FAF1: variants seen among roughly 807,000 people sequenced by gnomAD.
FAF1 encodes the protein Fas associated factor 1, also known as FAS-associated factor 1.
In FAF1, 25 loss-of-function variants were observed where a neutral mutation model predicts 92.5. The ratio of observed to expected loss-of-function variants is 0.27; its 90% CI spans 0.20 to 0.38. FAF1 has a LOEUF of 0.38. FAF1 is among the 10% of genes least tolerant of loss of function. The pLI, the probability that FAF1 is intolerant of heterozygous loss-of-function variation, is 1.00. For synonymous variants in FAF1, 234 were observed against 273.2 expected, an observed-to-expected ratio of 0.86 and a Z score of 1.42; for missense variants, 636 against 793.3, an observed-to-expected ratio of 0.80 and a Z score of 2.38.
intron 8 of FAF1, among the ~76,000 whole-genome samples, chr1:50,619,521 TG>T (rs1653091482): frequency 1.3e-5 from 2 of 152,228 alleles, no homozygotes; most frequent in South Asian, 4.1e-4. Context: ...ATGAAATTCT[TG>T]GTTGAAATTT....
intron 12 of FAF1, among the ~76,000 whole-genome samples, chr1:50,580,671 A>G (rs1400540023): frequency 1.3e-5 from 2 of 152,342 alleles, no homozygotes; most frequent in East Asian, 3.9e-4. Context: ...TTTTATACTA[A>G]AAATCCATAT....
At chr1:50,470,388 A>C (rs990353238) in intron 18 of FAF1, among the ~76,000 whole-genome samples, 1 of 152,214 alleles carries the variant, frequency 6.6e-6, no homozygotes, top group African/African-American at 2.4e-5. Context: ...TTAAGTGCTT[A>C]ATTTTACCTC....
chr1:50,803,290 T>A (rs1226686076), intron 2 of FAF1, among the ~76,000 whole-genome samples: 1 of 151,744 alleles, frequency 6.6e-6, no homozygotes, highest in Admixed American at 6.6e-5. Context: ...AAAGATTTGG[T>A]TCAAATCTTT....
chr1:50,561,554 G>A (rs560343753), intron 13 of FAF1, among the ~76,000 whole-genome samples: 3 of 152,228 alleles, frequency 2.0e-5, no homozygotes, highest in Admixed American at 6.5e-5. Flanking sequence ...GTGGCCGGGC[G>A]CAGGGGCTCA....
Position 50,788,392 on chromosome 1 carries a change from C to T in FAF1, c.162-187G>A, listed in dbSNP as rs529337322. On this transcript the variant is annotated intron_variant, in intron 3 of 18. Coordinates refer to ENST00000396153, the MANE Select transcript of FAF1 (RefSeq NM_007051.3). ...TTCCCATTGACTGAAGGCCACATTA[C>T]TCTCCTTCCCATCCTTGCCTTTCTA... Among the ~76,000 whole-genome samples the T allele has an allele frequency of 1.2e-3, 185 of 152,300 alleles. 2 individuals carry two copies. The highest frequency in any genetic ancestry group is 2.1e-4 in the Non-Finnish European group (14 of 68,010).
rs1303245719 is a variant in FAF1, at chr1:50,439,225, AT to A, written c.*2214del. On this transcript the variant is annotated 3_prime_UTR_variant, in exon 19 of 19. Transcript: ENST00000396153. ...AGAGGACACTGCTATTTCTGTGGTGATGGGAAGTCATTTTAATGCTCTGCTT... is the reference window on the plus strand; with the variant it reads ...AGAGGACACTGCTATTTCTGTGGTGAGGGAAGTCATTTTAATGCTCTGCTT... 2.0e-5 allele frequency: 3 copies of A among 152,382 alleles called. No homozygotes were observed. Among genetic ancestry groups the A allele is most frequent in the African/African-American group, 7.2e-5 (3 of 41,604 alleles). The allele number at this position is 152,382 out of a possible 1,614,324, so 9.4% of individuals were successfully genotyped here. A position where few individuals can be genotyped will look rare whatever the true frequency, so the allele number is the denominator to read the frequency against.
chr1:50,646,961 T>C lies in FAF1; in HGVS notation c.744+8481A>G, dbSNP rs532027960. On this transcript the variant is annotated intron_variant, in intron 8 of 18. Coordinates refer to ENST00000396153, the MANE Select transcript of FAF1 (RefSeq NM_007051.3). Reference sequence around the variant, plus strand: ...CCTAGGTTCAAGCAATTCTTGTGTCTCAGCCTCCTGAGTGTCTGGGATCAC... The same window carrying C: ...CCTAGGTTCAAGCAATTCTTGTGTCCCAGCCTCCTGAGTGTCTGGGATCAC... 2.3e-4 allele frequency among the ~76,000 whole-genome samples: 35 copies of C among 152,332 alleles called. 1 individual carries two copies. The highest frequency in any genetic ancestry group is 8.4e-4 in the African/African-American group (35 of 41,578).
At chr1:50,860,418 A>G (rs1021108567) in intron 1 of FAF1, among the ~76,000 whole-genome samples, 1 of 151,826 alleles carries the variant, frequency 6.6e-6, no homozygotes, top group Non-Finnish European at 1.5e-5. Context: ...AAGACAAGTA[A>G]CCCCATTAAA....
chr1:50,437,171 G>A lies in FAF1; in HGVS notation c.*4269C>T, dbSNP rs1034834445. ...ACAAGGACAAAATACTAAATGCAGA[G>A]ATATTCAAGGCAAGAAAGTCTAGTG... On this transcript the variant is annotated 3_prime_UTR_variant, in exon 19 of 19. Coordinates refer to ENST00000396153, the MANE Select transcript of FAF1 (RefSeq NM_007051.3). 1 of 152,216 alleles carries A rather than the reference G, an allele frequency of 6.6e-6. No homozygotes were observed. Among genetic ancestry groups the A allele is most frequent in the Non-Finnish European group, 1.5e-5 (1 of 68,040 alleles). 9.4% of individuals were successfully genotyped at this position (152,216 alleles called of 1,614,324 possible).
rs1652809544 is a variant in FAF1, at chr1:50,614,328, G to C, written c.745-18112C>G. 2.0e-5 allele frequency among the ~76,000 whole-genome samples: 3 copies of C among 152,076 alleles called. No homozygotes were observed. The South Asian group carries it at 6.2e-4, about 32-fold the overall frequency. On this transcript the variant is annotated intron_variant, in intron 8 of 18. Transcript: ENST00000396153. The stretch of plus-strand genomic sequence containing the variant: ...TTCAAACCAGGCAGAAACTATTGTT[G>C]TGTACTACTAAGTCCGATTATTCAA...
chr1:50,921,536 C>T (rs918898252), intron 1 of FAF1, among the ~76,000 whole-genome samples: 1 of 151,758 alleles, frequency 6.6e-6, no homozygotes, highest in Non-Finnish European at 1.5e-5. Context: ...TCAACAAGCG[C>T]AGATCATTTG....
intron 3 of FAF1, among the ~76,000 whole-genome samples, chr1:50,797,438 T>G (rs574053604): frequency 6.6e-6 from 1 of 152,284 alleles, no homozygotes; most frequent in South Asian, 2.1e-4. Context: ...TAGTGGCTCA[T>G]GCCTGTAATC....
chr1:50,509,841 C>T (rs532904714), intron 15 of FAF1, among the ~76,000 whole-genome samples: 14 of 151,488 alleles, frequency 9.2e-5, no homozygotes, highest in Admixed American at 3.3e-4. Context: ...GTTCCTTGAC[C>T]GCTTCCAACA....
chr1:50,637,855 C>CAA lies in FAF1; in HGVS notation c.744+17586_744+17587insTT, dbSNP rs568563295. Among the ~76,000 whole-genome samples, 192 of 151,596 alleles carry CAA rather than the reference C, an allele frequency of 1.3e-3. 8 individuals carry two copies. In the East Asian group the frequency reaches 0.03, roughly 23 times the overall value. On this transcript the variant is annotated intron_variant, in intron 8 of 18. Coordinates refer to ENST00000396153, the MANE Select transcript of FAF1 (RefSeq NM_007051.3). ...CCCAAGATTTTCTCCTATATTTTCCCCAAGTTTAATAGTTGTAGCTTTTGC... is the reference window on the plus strand; with the variant it reads ...CCCAAGATTTTCTCCTATATTTTCCCAACAAGTTTAATAGTTGTAGCTTTTGC...
At chr1:50,464,979 T>C (rs1646476597) in intron 18 of FAF1, among the ~76,000 whole-genome samples, 1 of 152,200 alleles carries the variant, frequency 6.6e-6, no homozygotes, top group African/African-American at 2.4e-5. Context: ...ATCTCTCCAA[T>C]CTTCCCCTGC....
chr1:50,448,739 G>C (rs930047387), intron 18 of FAF1, among the ~76,000 whole-genome samples: 1 of 152,110 alleles, frequency 6.6e-6, no homozygotes, highest in Admixed American at 6.5e-5. Flanking sequence ...CAACTTTTCC[G>C]GTAACAAAGG....
intron 1 of FAF1, among the ~76,000 whole-genome samples, chr1:50,868,626 T>C (rs1644502242): frequency 6.6e-6 from 1 of 152,224 alleles, no homozygotes; most frequent in Admixed American, 6.5e-5. Context: ...GTTCAAAGTT[T>C]TTTCTAAAGT....
intron 3 of FAF1, 74 bp downstream of exon 3, chr1:50,801,557 A>G (rs1172093669): frequency 1.2e-6 from 1 of 810,424 alleles, no homozygotes; most frequent in Non-Finnish European, 2.1e-6. Flanking sequence ...AAAAAATAAA[A>G]CAAAAAAATT....
Position 50,570,711 on chromosome 1 carries a change from A to G in FAF1, c.1114-3480T>C, listed in dbSNP as rs776597108. ...CAACAAAAAATTTTCTGCTGCTTTT[A>G]TAACAATAAATAAGCAAAATATAAA... is the stretch of plus-strand genomic sequence containing the variant. On this transcript the variant is annotated intron_variant, in intron 12 of 18. Coordinates refer to ENST00000396153, the MANE Select transcript of FAF1 (RefSeq NM_007051.3). Among the ~76,000 whole-genome samples, 8 of 152,356 alleles carry G rather than the reference A, an allele frequency of 5.3e-5. No individual in the cohort carries two copies. In the East Asian group the frequency reaches 5.8e-4, roughly 11 times the overall value.
Sources: allele counts gnomAD v4.1 joint callset (sites outside exome capture counted in the v4.1 genomes callset), GRCh38; gene constraint gnomAD v4.1.1; transcripts MANE v1.5; gene names NCBI Gene and HGNC (gene_info 2026-07-23, HGNC 2026-07-21).